Variants in SACS observed in about 807,000 individuals in gnomAD.
SACS encodes the protein sacsin molecular chaperone, also known as sacsin.
A neutral mutation model predicts 348.0 loss-of-function variants in SACS; 197 were observed. The observed-to-expected ratio is 0.57, with a 90% CI of 0.50 to 0.64. The LOEUF (loss-of-function observed/expected upper bound fraction) is 0.64, where lower values mean the gene tolerates loss of function less well. Ranked by LOEUF, SACS falls within the 30% of genes least tolerant of loss-of-function variation. The pLI is 0.00. For synonymous variants in SACS, 1,985 were observed against 1,910.6 expected (o/e 1.04, Z -1.02); for missense variants, 4,999 against 5,360.8 (o/e 0.93, Z 2.11).
rs1203567131 is a variant in SACS, at chr13:23,341,653, T to A, written c.2223A>T (p.Glu741Asp). Residue 741 changes from glutamate to aspartate, a missense_variant, in exon 10 of 10, where the codon GAA becomes GAT. Coordinates refer to ENST00000382292, the MANE Select transcript of SACS (RefSeq NM_014363.6). Reference sequence around the variant, plus strand: ...CTTCCTTGATAAGACGTGCAAATCGTTCTGGATTTAGAAGCTGCAGCTGAG... The same window carrying A: ...CTTCCTTGATAAGACGTGCAAATCGATCTGGATTTAGAAGCTGCAGCTGAG... ...PCTQLQLLNP[E>D]RFARLIKEVM... 2 of 1,613,304 alleles carry A rather than the reference T, an allele frequency of 1.2e-6. No homozygotes were observed. The highest frequency in any genetic ancestry group is 1.7e-6 in the Non-Finnish European group (2 of 1,179,988).
chr13:23,341,882 G>A (rs541796313), intron 9 of SACS, among the ~76,000 whole-genome samples, 192 bp from the exon 10 acceptor site: 5 of 148,804 alleles, frequency 3.4e-5, no homozygotes, highest in African/African-American at 9.9e-5. Flanking sequence ...CGCCTCCCGG[G>A]TTCACGCCAT....
chr13:23,386,330 G>C (rs181409053), intron 2 of SACS, among the ~76,000 whole-genome samples: 4 of 152,348 alleles, frequency 2.6e-5, no homozygotes, highest in Admixed American at 2.0e-4. Context: ...ACTTGCTGAA[G>C]TTTCCCCATC....
At chr13:23,395,922 T>C (rs1029637162) in intron 2 of SACS, among the ~76,000 whole-genome samples, 2 of 152,202 alleles carry the variant, frequency 1.3e-5, no homozygotes, top group Admixed American at 6.5e-5. Context: ...TATGCATGTA[T>C]GTTATGTGTG....
At chr13:23,407,811 G>A (rs772090274) in intron 2 of SACS, among the ~76,000 whole-genome samples, 11 of 152,300 alleles carry the variant, frequency 7.2e-5, no homozygotes, top group Non-Finnish European at 1.6e-4. Context: ...CGCCAAGTCA[G>A]TTCAGACAGA....
In SACS at chr13:23,333,190, G is replaced by A. The variant is rs762161380; in HGVS notation, c.10686C>T (p.Phe3562=). 2.5e-6 allele frequency: 4 copies of A among 1,603,410 alleles called. No homozygotes were observed. The highest frequency in any genetic ancestry group is 3.4e-6 in the Non-Finnish European group (4 of 1,175,744). ...TTATAAGTTGTTCCAATTTCTTAAA[G>A]AAATCATTAGGAATAAACAATTTTT... ...LPEKLFIPND[F]FKKLEQLIKP... Residue 3562 remains phenylalanine (F), a synonymous_variant, in exon 10 of 10, where the codon TTC becomes TTT. Transcript: ENST00000382292.
In SACS at chr13:23,340,192, A is replaced by G. The variant is rs1412061294; in HGVS notation, c.3684T>C (p.Phe1228=). 2 of 1,612,212 alleles carry G rather than the reference A, an allele frequency of 1.2e-6. No individual in the cohort carries two copies. The highest frequency in any genetic ancestry group is 1.7e-6 in the Non-Finnish European group (2 of 1,178,910). Residue 1228 remains phenylalanine, a synonymous_variant, in exon 10 of 10, where the codon TTT becomes TTC. Coordinates refer to ENST00000382292, the MANE Select transcript of SACS (RefSeq NM_014363.6). Reference sequence around the variant, plus strand: ...AAGAATACCAATCAACAACAATTTTAAAGTGTTTTAAGACAGCACTAAGGC... The same window carrying G: ...AAGAATACCAATCAACAACAATTTTGAAGTGTTTTAAGACAGCACTAAGGC... ...KPSLSAVLKH[F]KIVVDWYSSK...
At chr13:23,356,835 C>T (rs540981106) in intron 7 of SACS, among the ~76,000 whole-genome samples, 5 of 152,308 alleles carry the variant, frequency 3.3e-5, no homozygotes, top group African/African-American at 1.2e-4. Context: ...TTAATACCTA[C>T]GGTCGTCAAG....
At position 23,332,137 on chromosome 13, in the gene SACS, A is replaced by C. The variant is rs903855704; in HGVS notation, c.11739T>G (p.Asp3913Glu). The change falls in exon 10 of 10, where the codon GAT (aspartate) becomes GAG (glutamate). Residue 3913 changes from aspartate to glutamate, a missense_variant. Asp to Glu is a conservative substitution (Grantham distance 45). This residue lies in a region of SACS where 831 missense variants were observed against 941.8 expected (regional missense o/e 0.88). Transcript: ENST00000382292. ...AGATGCTTGACTTTACCAATCTACC[A>C]TCCTGGCTTGGGAGGTAAAGCGCAA... The part of the protein sequence containing the change: ...RDLALYLPSQ[D>E]GRLVKSSILV... 1.2e-6 allele frequency: 2 copies of C among 1,614,036 alleles called. No individual in the cohort carries two copies. Among genetic ancestry groups the C allele is most frequent in the Middle Eastern group, 1.6e-4 (1 of 6,062 alleles).
intron 5 of SACS, 80 bp downstream of exon 5, chr13:23,368,322 A>G: frequency 9.7e-7 from 1 of 1,032,230 alleles, no homozygotes; most frequent in Non-Finnish European, 1.4e-6. Context: ...AAATTTAAAC[A>G]CTAATAGGAC....
chr13:23,346,057 C>T (rs868212441), intron 9 of SACS, among the ~76,000 whole-genome samples: 8 of 152,184 alleles, frequency 5.3e-5, no homozygotes, highest in Admixed American at 2.6e-4. Flanking sequence ...GCACACTGAG[C>T]CAGACTCCAA....
chr13:23,382,278 C>T (rs572596897), intron 2 of SACS, among the ~76,000 whole-genome samples: 4 of 152,174 alleles, frequency 2.6e-5, no homozygotes, highest in Admixed American at 2.0e-4. Flanking sequence ...CTTAGCCTCC[C>T]GGGTAGCTGG....
In SACS at chr13:23,336,496, A is replaced by C; in HGVS notation, c.7380T>G (p.Leu2460=). The change falls in exon 10 of 10, where the codon CTT becomes CTG. Residue 2460 remains leucine, a synonymous_variant. Transcript: ENST00000382292. ...KILLPDTNLM[L]LPAKSLCYND... ...TGTAGCATAACGATTTAGCAGGGAG[A>C]AGCATAAGATTAGTATCTGGCAATA... 6.2e-7 allele frequency: 1 copy of C among 1,614,024 alleles called. No homozygotes were observed. The highest frequency in any genetic ancestry group is 8.5e-7 in the Non-Finnish European group (1 of 1,179,924).
chr13:23,387,253 A>G (rs1353601776), intron 2 of SACS, among the ~76,000 whole-genome samples: 1 of 151,964 alleles, frequency 6.6e-6, no homozygotes, highest in African/African-American at 2.4e-5. Context: ...AGGTCAGGAG[A>G]TCAAGACCAT....
At chr13:23,369,568 G>A (rs9317666) in intron 4 of SACS, among the ~76,000 whole-genome samples, 3,128 of 148,444 alleles carry the variant, frequency 0.021, 116 homozygotes, top group African/African-American at 0.073. Flanking sequence ...TTTTTCAGAC[G>A]GACTCTCCTT....
In SACS at chr13:23,331,277, G is replaced by A. The variant is rs574823894; in HGVS notation, c.12599C>T (p.Thr4200Ile). The change falls in exon 10 of 10, where the codon ACA (threonine) becomes ATA (isoleucine). Residue 4200 changes from threonine (T) to isoleucine (I), a missense_variant. Physicochemically the swap from Thr to Ile is moderately conservative, Grantham distance 89. Coordinates refer to ENST00000382292, the MANE Select transcript of SACS (RefSeq NM_014363.6). ...GGDIYGSYQP[T>I]YTYAIIVQEV... ...TTGTACAATAATTGCATATGTGTATGTTGGCTGGTATGATCCATAGATATC... is the reference window on the plus strand; with the variant it reads ...TTGTACAATAATTGCATATGTGTATATTGGCTGGTATGATCCATAGATATC... The A allele has an allele frequency of 1.2e-6, 2 of 1,613,968 alleles. No homozygotes were observed. Among genetic ancestry groups the A allele is most frequent in the African/African-American group, 1.3e-5 (1 of 75,024 alleles).
intron 6 of SACS, among the ~76,000 whole-genome samples, chr13:23,359,356 T>C (rs1870597119): frequency 6.6e-6 from 1 of 152,168 alleles, no homozygotes; most frequent in Non-Finnish European, 1.5e-5. Flanking sequence ...ATAAATCTTA[T>C]TTCATAAGGT....
rs1416359633 is a variant in SACS at position 23,329,175 on chromosome 13, AAC to A, written c.*959_*960del. 2.8e-5 allele frequency: 12 copies of A among 424,234 alleles called. No individual in the cohort carries two copies. Among genetic ancestry groups the A allele is most frequent in the Admixed American group, 4.4e-5 (1 of 22,656 alleles). 26.3% of individuals were successfully genotyped at this position (424,234 alleles called of 1,614,324 possible). On this transcript the variant is annotated 3_prime_UTR_variant, in exon 10 of 10. Transcript: ENST00000382292. ...AGCCGATAATTATAAACTACTAGAT[AAC>A]ACAATGATTTTAACAATTTTTGATG...
In SACS at chr13:23,355,904, G is replaced by A; in HGVS notation, c.708C>T (p.Asp236=). The part of the protein sequence containing the change: ...ESGQCWNLKD[D]SKEISELSDQ... ...CTGAAAGTTCACTAATTTCTTTGCT[G>A]TCATCTTTGAGATTCCAACATTGGC... The change falls in exon 8 of 10, where the codon GAC becomes GAT. Residue 236 remains aspartate (D), a synonymous_variant. Coordinates refer to ENST00000382292, the MANE Select transcript of SACS (RefSeq NM_014363.6). 6.2e-7 allele frequency: 1 copy of A among 1,614,136 alleles called. No homozygotes were observed. Among genetic ancestry groups the A allele is most frequent in the Non-Finnish European group, 8.5e-7 (1 of 1,180,006 alleles).
Position 23,375,113 on chromosome 13 carries a change from G to C in SACS, c.171+6C>G. ...GCCCAGCCCAGCGCCCCCGGCCACC[G>C]CCTACCTCGCGGCCGCCGCGCCACA... is the stretch of plus-strand genomic sequence containing the variant. On this transcript the variant is annotated splice_donor_region_variant and intron_variant, in intron 3 of 9. Coordinates refer to ENST00000382292, the MANE Select transcript of SACS (RefSeq NM_014363.6). 6.7e-7 allele frequency: 1 copy of C among 1,491,452 alleles called. No individual in the cohort carries two copies. The allele number at this position is 1,491,452 out of a possible 1,614,324, so 92.4% of individuals were successfully genotyped here. A position where few individuals can be genotyped will look rare whatever the true frequency, so the allele number is the denominator to read the frequency against.
Sources: gnomAD v4.1 joint callset for allele counts (sites outside exome capture counted in the v4.1 genomes callset) on GRCh38, gnomAD v4.1.1 for gene constraint, gnomAD v4.1.1 regional missense constraint, MANE v1.5 for transcripts, NCBI Gene and HGNC (gene_info 2026-07-23, HGNC 2026-07-21) for gene names.